Variants in SLC24A2 observed in about 807,000 individuals in gnomAD.
The protein encoded by SLC24A2 is solute carrier family 24 member 2.
SLC24A2 carries 36 observed loss-of-function variants against 62.0 expected under a neutral mutation model. The observed-to-expected ratio is 0.58, with a 90% CI of 0.44 to 0.77. The LOEUF (loss-of-function observed/expected upper bound fraction) is 0.77. SLC24A2 is among the 30% of genes least tolerant of loss of function. The probability of loss-of-function intolerance (pLI) is 0.00; values close to 1 mark genes in which losing one functional copy is unlikely to be tolerated. For synonymous variants in SLC24A2, 358 were observed against 294.0 expected (o/e 1.22, Z -2.23); for missense variants, 846 against 817.9 (o/e 1.03, Z -0.42).
At chr9:19,969,253 C>T in the SLC24A2 span, among the ~76,000 whole-genome samples, 1 of 145,386 alleles carries the variant, frequency 6.9e-6, no homozygotes, top group South Asian at 2.2e-4. Flanking sequence ...GAAGAATTTC[C>T]TTCATTCTTT....
the SLC24A2 span, among the ~76,000 whole-genome samples, chr9:20,284,432 C>A: frequency 1.3e-5 from 2 of 152,082 alleles, no homozygotes; most frequent in African/African-American, 4.8e-5. Context: ...CAGGCACAAC[C>A]ATGCGCAGCT....
the SLC24A2 span, among the ~76,000 whole-genome samples, chr9:20,013,963 C>T: frequency 6.6e-6 from 1 of 152,154 alleles, no homozygotes; most frequent in African/African-American, 2.4e-5. Context: ...TATCCTAGCA[C>T]TTTGGGAGGC....
chr9:20,267,899 G>A, the SLC24A2 span, among the ~76,000 whole-genome samples: 1 of 152,024 alleles, frequency 6.6e-6, no homozygotes, highest in Non-Finnish European at 1.5e-5. Flanking sequence ...CCTTCCTACT[G>A]GGTGCCAGGA....
intron 8 of SLC24A2, among the ~76,000 whole-genome samples, chr9:19,541,448 T>A (rs1834249827): frequency 6.6e-6 from 1 of 151,936 alleles, no homozygotes; most frequent in Admixed American, 6.6e-5. Context: ...GCTGCAGGTC[T>A]GTTGGAATAC....
At chr9:20,222,977 C>G in the SLC24A2 span, among the ~76,000 whole-genome samples, 3 of 151,906 alleles carry the variant, frequency 2.0e-5, no homozygotes, top group East Asian at 1.9e-4. Flanking sequence ...AAGCAAACCT[C>G]TACTTATTTG....
the SLC24A2 span, among the ~76,000 whole-genome samples, chr9:20,007,834 A>AGG: frequency 7.0e-6 from 1 of 142,174 alleles, no homozygotes; most frequent in Non-Finnish European, 1.5e-5. Context: ...AGACTTGCAC[A>AGG]GGTGAGGGCA....
At chr9:19,812,374 T>G in the SLC24A2 span, among the ~76,000 whole-genome samples, 1 of 152,156 alleles carries the variant, frequency 6.6e-6, no homozygotes, top group African/African-American at 2.4e-5. Context: ...TTTCTCTTAG[T>G]GCATCACTCT....
At chr9:19,819,271 TCCTAGA>T in the SLC24A2 span, among the ~76,000 whole-genome samples, 1 of 152,130 alleles carries the variant, frequency 6.6e-6, no homozygotes, top group East Asian at 1.9e-4. Context: ...GGAAAAACCC[TCCTAGA>T]CATTGGCTTA....
intron 2 of SLC24A2, among the ~76,000 whole-genome samples, chr9:19,665,380 C>T (rs145229204): frequency 1.2e-4 from 18 of 152,166 alleles, no homozygotes; most frequent in Middle Eastern, 6.8e-3. Context: ...GGGTGAGGGG[C>T]TGGCAGCTGG....
chr9:19,642,113 C>A (rs1211282261), intron 2 of SLC24A2, among the ~76,000 whole-genome samples: 3 of 152,034 alleles, frequency 2.0e-5, no homozygotes, highest in African/African-American at 7.2e-5. Context: ...GAGAGACTGG[C>A]TTGGCTTTGG....
At chr9:19,573,105 T>A (rs567592900) in intron 7 of SLC24A2, among the ~76,000 whole-genome samples, 1 of 152,230 alleles carries the variant, frequency 6.6e-6, no homozygotes, top group East Asian at 1.9e-4. Flanking sequence ...GATGCATGAG[T>A]CCTTCAACCT....
the SLC24A2 span, among the ~76,000 whole-genome samples, chr9:20,214,845 C>G: frequency 6.6e-6 from 1 of 152,080 alleles, no homozygotes; most frequent in East Asian, 1.9e-4. Context: ...CAATAAACAA[C>G]TGATTGAAGC....
At position 19,516,035 on chromosome 9, in the gene SLC24A2, G is replaced by A; in HGVS notation, c.*118C>T. Reference sequence around the variant, plus strand: ...CATCTCTCCTCAAATTCACCAAGGAGGGACACTTGGCACCCAGGGCTGTGT... The same window carrying A: ...CATCTCTCCTCAAATTCACCAAGGAAGGACACTTGGCACCCAGGGCTGTGT... On this transcript the variant is annotated 3_prime_UTR_variant, in exon 11 of 11. Coordinates refer to ENST00000341998, the MANE Select transcript of SLC24A2 (RefSeq NM_020344.4). 2.4e-6 allele frequency: 3 copies of A among 1,264,562 alleles called. No individual in the cohort carries two copies. Among genetic ancestry groups the A allele is most frequent in the Non-Finnish European group, 3.5e-6 (3 of 864,698 alleles). 78.3% of individuals were successfully genotyped at this position (1,264,562 alleles called of 1,614,324 possible). A position where few individuals can be genotyped will look rare whatever the true frequency, so the allele number is the denominator to read the frequency against.
chr9:20,068,905 T>C, the SLC24A2 span, among the ~76,000 whole-genome samples: 1 of 152,210 alleles, frequency 6.6e-6, no homozygotes, highest in South Asian at 2.1e-4. Context: ...GACTCCTAGT[T>C]CTTTATTTCC....
chr9:20,162,883 A>G, the SLC24A2 span, among the ~76,000 whole-genome samples: 6 of 152,160 alleles, frequency 3.9e-5, no homozygotes, highest in African/African-American at 1.4e-4. Flanking sequence ...CAAAAACCAC[A>G]TGATTATCTC....
At chr9:20,085,502 A>G in the SLC24A2 span, among the ~76,000 whole-genome samples, 1 of 152,234 alleles carries the variant, frequency 6.6e-6, no homozygotes, top group South Asian at 2.1e-4. Flanking sequence ...TTCTAGGACT[A>G]GCCTAGACTA....
At chr9:19,886,790 A>T in the SLC24A2 span, among the ~76,000 whole-genome samples, 2 of 152,262 alleles carry the variant, frequency 1.3e-5, no homozygotes, top group African/African-American at 4.8e-5. Context: ...TAGTAAAGAC[A>T]GGGAATCAAC....
intron 2 of SLC24A2, among the ~76,000 whole-genome samples, chr9:19,781,661 A>G (rs1823024651): frequency 6.6e-6 from 1 of 152,230 alleles, no homozygotes. Context: ...CTACTTTCAC[A>G]GTCAGTTAAG....
chr9:20,283,399 G>T, the SLC24A2 span, among the ~76,000 whole-genome samples: 1 of 152,120 alleles, frequency 6.6e-6, no homozygotes, highest in Non-Finnish European at 1.5e-5. Context: ...AGCTCTGCTG[G>T]CAATTCGTAT....
Sources: allele counts gnomAD v4.1 joint callset (sites outside exome capture counted in the v4.1 genomes callset), GRCh38; gene constraint gnomAD v4.1.1; transcripts MANE v1.5; gene names NCBI Gene and HGNC (gene_info 2026-07-23, HGNC 2026-07-21).